Variants in IL11 observed in about 807,000 individuals in gnomAD.
The protein encoded by IL11 is interleukin-11.
A neutral mutation model predicts 18.1 loss-of-function variants in IL11; 17 were observed. The ratio of observed to expected loss-of-function variants is 0.94; its 90% CI spans 0.64 to 1.41. IL11 has a LOEUF of 1.41. Ranked by LOEUF, IL11 falls within the 40% of genes most tolerant of loss-of-function variation. The pLI is 0.00. For missense variants in IL11, 309 were observed against 262.8 expected, an observed-to-expected ratio of 1.18 and a Z score of -1.22; for synonymous variants, 144 against 134.1, an observed-to-expected ratio of 1.07 and a Z score of -0.51.
chr19:55,367,537 T>G (rs2089793255), intron 4 of IL11, among the ~76,000 whole-genome samples: 1 of 141,458 alleles, frequency 7.1e-6, no homozygotes. Context: ...CTCGGCTCAC[T>G]GCAACCTCCG....
intron 4 of IL11, among the ~76,000 whole-genome samples, chr19:55,367,170 C>T (rs936613235): frequency 7.2e-5 from 11 of 152,144 alleles, no homozygotes; most frequent in Non-Finnish European, 1.5e-4. Flanking sequence ...GTCTTCTGGT[C>T]TCAGGGCTTT....
rs955656414 is a variant in IL11 at position 55,369,412 on chromosome 19, G to C, written c.8-471C>G. ...AGAACCTGCCCCCTCCCCGGGCCGC[G>C]GGAGCCCGAGCTGGCTGGGAGCAGG... On this transcript the variant is annotated intron_variant, in intron 1 of 4. Transcript: ENST00000264563. The surrounding 1 kb of genome is among the most constrained non-coding windows in gnomAD (Gnocchi z 6.1). Among the ~76,000 whole-genome samples, 6 of 151,366 alleles carry C rather than the reference G, an allele frequency of 4.0e-5. No homozygotes were observed. The highest frequency in any genetic ancestry group is 7.4e-5 in the Non-Finnish European group (5 of 67,738).
In IL11 at chr19:55,369,625, G is replaced by C. The variant is rs1486257944; in HGVS notation, c.7+679C>G. On this transcript the variant is annotated intron_variant, in intron 1 of 4. Coordinates refer to ENST00000264563, the MANE Select transcript of IL11 (RefSeq NM_000641.4). This position sits in a 1 kb window ranked among gnomAD's most constrained non-coding sequence, Gnocchi z 6.1. Reference sequence around the variant, plus strand: ...GGAGCGGGAGAGCTGGCGGCGGGGGGCGCGGGGGGCGCGGGGGGCGCGGGG... The same window carrying C: ...GGAGCGGGAGAGCTGGCGGCGGGGGCCGCGGGGGGCGCGGGGGGCGCGGGG... 1.1e-5 allele frequency among the ~76,000 whole-genome samples: 1 copy of C among 88,016 alleles called. No individual in the cohort carries two copies. Among genetic ancestry groups the C allele is most frequent in the African/African-American group, 1.1e-4 (1 of 8,832 alleles). The allele number at this position is 88,016 out of a possible 152,430, so 57.7% of individuals were successfully genotyped here.
At position 55,368,193 on chromosome 19, in the gene IL11, T is replaced by C; in HGVS notation, c.429+17A>G. 6.6e-7 allele frequency: 1 copy of C among 1,515,780 alleles called. No individual in the cohort carries two copies. The highest frequency in any genetic ancestry group is 8.9e-7 in the Non-Finnish European group (1 of 1,126,034). 93.9% of individuals were successfully genotyped at this position (1,515,780 alleles called of 1,614,324 possible). On this transcript the variant is annotated intron_variant, in intron 4 of 4. Transcript: ENST00000264563. ...GGGTGGGGGTCTGGGGTGTCAGGTC[T>C]TGGGGCCAGGACATACCAGGAGCTG...
Position 55,370,323 on chromosome 19 carries a change from C to A in IL11, c.-13G>T. On this transcript the variant is annotated 5_prime_UTR_variant, in exon 1 of 5. Transcript: ENST00000264563. Reference sequence around the variant, plus strand: ...ACTTACAGTTCATGTCCCCACAGGGCCAGGGGTTCCCCAGGGCAGGGGGCA... The same window carrying A: ...ACTTACAGTTCATGTCCCCACAGGGACAGGGGTTCCCCAGGGCAGGGGGCA... 1 of 1,441,764 alleles carries A rather than the reference C, an allele frequency of 6.9e-7. No individual in the cohort carries two copies. 89.3% of individuals were successfully genotyped at this position (1,441,764 alleles called of 1,614,324 possible). A position where few individuals can be genotyped will look rare whatever the true frequency, so the allele number is the denominator to read the frequency against.
Position 55,369,028 on chromosome 19 carries a change from G to A in IL11, c.8-87C>T, listed in dbSNP as rs2089804366. The A allele has an allele frequency of 7.4e-6, 9 of 1,220,188 alleles. No homozygotes were observed. In the South Asian group the frequency reaches 1.4e-4, roughly 19 times the overall value. 75.6% of individuals were successfully genotyped at this position (1,220,188 alleles called of 1,614,324 possible). ...GGCCTGGACTCCCGGGTCTGAGGGA[G>A]GAGGAACTGGGGTCTGGACTCCTCC... On this transcript the variant is annotated intron_variant, in intron 1 of 4. Coordinates refer to ENST00000264563, the MANE Select transcript of IL11 (RefSeq NM_000641.4). The surrounding 1 kb of genome is among the most constrained non-coding windows in gnomAD (Gnocchi z 6.1).
rs2089806994 is a variant in IL11, at chr19:55,369,325, GT to G, written c.8-385del. 1 of 160,796 alleles carries G rather than the reference GT, an allele frequency of 6.2e-6. No individual in the cohort carries two copies. Among genetic ancestry groups the G allele is most frequent in the African/African-American group, 2.4e-5 (1 of 41,872 alleles). 10.0% of individuals were successfully genotyped at this position (160,796 alleles called of 1,614,324 possible). A position where few individuals can be genotyped will look rare whatever the true frequency, so the allele number is the denominator to read the frequency against. ...CGGGTAGACGGGCCGGGCGTCTCCC[GT>G]CCGCCCCCGGACGCCGGAATCTGGG... is the stretch of plus-strand genomic sequence containing the variant. On this transcript the variant is annotated intron_variant, in intron 1 of 4. Transcript: ENST00000264563. This position sits in a 1 kb window ranked among gnomAD's most constrained non-coding sequence, Gnocchi z 6.1.
intron 4 of IL11, among the ~76,000 whole-genome samples, chr19:55,367,578 A>G (rs943952530): frequency 1.4e-5 from 2 of 147,182 alleles, no homozygotes; most frequent in African/African-American, 5.1e-5. Context: ...CTCCTGCCTC[A>G]GCCTCCCAAG....
Position 55,366,428 on chromosome 19 carries a change from G to A in IL11, c.430-251C>T, listed in dbSNP as rs1303885836. On this transcript the variant is annotated intron_variant, in intron 4 of 4. Transcript: ENST00000264563. This position sits in a 1 kb window ranked among gnomAD's most constrained non-coding sequence, Gnocchi z 4.6. ...TCTGTGGAGTCAGGGCTGGCATCTC[G>A]GTTCTAGGTGAGGGATCGGGCCTGG... is the stretch of plus-strand genomic sequence containing the variant. Among the ~76,000 whole-genome samples, 5 of 152,034 alleles carry A rather than the reference G, an allele frequency of 3.3e-5. No individual in the cohort carries two copies. Among genetic ancestry groups the A allele is most frequent in the East Asian group, 1.9e-4 (1 of 5,188 alleles).
chr19:55,368,101 G>A (rs976351467), intron 4 of IL11, 109 bp downstream of exon 4: 11 of 929,286 alleles, frequency 1.2e-5, no homozygotes, highest in East Asian at 8.0e-5. Context: ...GTCTCAGAGC[G>A]GGGCTGTTGC....
In IL11 at chr19:55,368,751, C is replaced by A; in HGVS notation, c.180+18G>T. The A allele has an allele frequency of 6.4e-7, 1 of 1,562,076 alleles. No homozygotes were observed. The highest frequency in any genetic ancestry group is 1.2e-5 in the South Asian group (1 of 84,706). On this transcript the variant is annotated intron_variant, in intron 2 of 4. Transcript: ENST00000264563. ...CTGCCTCTCACTCCTGTGCTGGCCCCAGCCCAGTCTCTCCTACCAGCTGTG... is the reference window on the plus strand; with the variant it reads ...CTGCCTCTCACTCCTGTGCTGGCCCAAGCCCAGTCTCTCCTACCAGCTGTG...
chr19:55,365,888 T>A lies in IL11; in HGVS notation c.*119A>T. On this transcript the variant is annotated 3_prime_UTR_variant, in exon 5 of 5. Coordinates refer to ENST00000264563, the MANE Select transcript of IL11 (RefSeq NM_000641.4). ...CCCCCCAGGCCTCACGGAAGGACTG[T>A]CTCTAACTAGGGGGAGATAATGGCG... 6.8e-7 allele frequency: 1 copy of A among 1,479,032 alleles called. No individual in the cohort carries two copies. The allele number at this position is 1,479,032 out of a possible 1,614,324, so 91.6% of individuals were successfully genotyped here. A position where few individuals can be genotyped will look rare whatever the true frequency, so the allele number is the denominator to read the frequency against.
At chr19:55,368,414 C>T (rs1249004290) in intron 3 of IL11, 43 bp from the exon 4 acceptor site, 4 of 1,581,956 alleles carry the variant, frequency 2.5e-6, no homozygotes, top group Non-Finnish European at 3.5e-6. Flanking sequence ...CGACCAGTGC[C>T]CCTCATCCTC....
In IL11 at chr19:55,369,852, T is replaced by TC. The variant is rs2089811686; in HGVS notation, c.7+451dup. Among the ~76,000 whole-genome samples, 2 of 149,914 alleles carry TC rather than the reference T, an allele frequency of 1.3e-5. No homozygotes were observed. The highest frequency in any genetic ancestry group is 1.3e-4 in the Admixed American group (2 of 15,138). ...TTCCCCCCGCGCCCAGTCTCTCTCC[T>TC]CCCCCCGGCTGGGGTCGCTACTCCC... On this transcript the variant is annotated intron_variant, in intron 1 of 4. Coordinates refer to ENST00000264563, the MANE Select transcript of IL11 (RefSeq NM_000641.4). This position sits in a 1 kb window ranked among gnomAD's most constrained non-coding sequence, Gnocchi z 6.1.
At position 55,366,383 on chromosome 19, in the gene IL11, T is replaced by TG. The variant is rs1023506378; in HGVS notation, c.430-207dup. Among the ~76,000 whole-genome samples the TG allele has an allele frequency of 6.8e-6, 1 of 148,058 alleles. No individual in the cohort carries two copies. Among genetic ancestry groups the TG allele is most frequent in the Non-Finnish European group, 1.5e-5 (1 of 66,714 alleles). On this transcript the variant is annotated intron_variant, in intron 4 of 4. Coordinates refer to ENST00000264563, the MANE Select transcript of IL11 (RefSeq NM_000641.4). This position sits in a 1 kb window ranked among gnomAD's most constrained non-coding sequence, Gnocchi z 4.6. Reference sequence around the variant, plus strand: ...GTCAGGACGGGCTTCCAGAGCTGAGTGTGGGGGTTGGGGGTGAAGTCTGTG... The same window carrying TG: ...GTCAGGACGGGCTTCCAGAGCTGAGTGGTGGGGGTTGGGGGTGAAGTCTGTG...
rs373289236 is a variant in IL11, at chr19:55,365,943, T to A, written c.*64A>T. 32 of 1,546,630 alleles carry A rather than the reference T, an allele frequency of 2.1e-5. No individual in the cohort carries two copies. The highest frequency in any genetic ancestry group is 1.5e-4 in the African/African-American group (11 of 72,648). Reference sequence around the variant, plus strand: ...GATCACCTGGCTGTTTCGCCCCCAGTACTGAAATAAATAAATAAATAAGAT... The same window carrying A: ...GATCACCTGGCTGTTTCGCCCCCAGAACTGAAATAAATAAATAAATAAGAT... On this transcript the variant is annotated 3_prime_UTR_variant, in exon 5 of 5. Transcript: ENST00000264563.
Position 55,365,166 on chromosome 19 carries a change from C to G in IL11, c.*841G>C, listed in dbSNP as rs1009828940. The G allele has an allele frequency of 1.3e-5, 2 of 152,070 alleles. No individual in the cohort carries two copies. Among genetic ancestry groups the G allele is most frequent in the African/African-American group, 4.8e-5 (2 of 41,392 alleles). 9.4% of individuals were successfully genotyped at this position (152,070 alleles called of 1,614,324 possible). The stretch of plus-strand genomic sequence containing the variant: ...ACCAGCCTGGCCAACATGGTGAAAC[C>G]CTGTCTCTACTAAAAATACAAAAGA... On this transcript the variant is annotated 3_prime_UTR_variant, in exon 5 of 5. Transcript: ENST00000264563.
Position 55,370,237 on chromosome 19 carries a change from C to A in IL11, c.7+67G>T, listed in dbSNP as rs533575524. The A allele has an allele frequency of 1.4e-4, 170 of 1,250,312 alleles. 2 individuals are homozygous for A. The Admixed American group carries it at 2.7e-3, about 20-fold the overall frequency. 77.5% of individuals were successfully genotyped at this position (1,250,312 alleles called of 1,614,324 possible). A position where few individuals can be genotyped will look rare whatever the true frequency, so the allele number is the denominator to read the frequency against. On this transcript the variant is annotated intron_variant, in intron 1 of 4. Transcript: ENST00000264563. Reference sequence around the variant, plus strand: ...TGCGACTCAGCGGGGTCTGCTCCCACCCCCGCCGTGGGTCCCTCTCCTCCC... The same window carrying A: ...TGCGACTCAGCGGGGTCTGCTCCCAACCCCGCCGTGGGTCCCTCTCCTCCC...
rs758809983 is a variant in IL11 at position 55,368,519 on chromosome 19, G to A, written c.231C>T (p.Thr77=). The A allele has an allele frequency of 3.1e-6, 5 of 1,612,968 alleles. No homozygotes were observed. The highest frequency in any genetic ancestry group is 1.3e-5 in the African/African-American group (1 of 74,866). Residue 77 remains threonine, a synonymous_variant, in exon 3 of 5, where the codon ACC becomes ACT. Coordinates refer to ENST00000264563, the MANE Select transcript of IL11 (RefSeq NM_000641.4). The part of the protein sequence containing the change: ...DGDHNLDSLP[T]LAMSAGALGA... ...CCAGTGCCCCCGCACTCATGGCCAG[G>A]GTGGGCAGGGAATCCAGGTTGTGGT...
Sources: gnomAD v4.1 joint callset for allele counts (sites outside exome capture counted in the v4.1 genomes callset) on GRCh38, gnomAD v4.1.1 for gene constraint, Gnocchi (gnomAD v3.1) non-coding constraint, MANE v1.5 for transcripts, NCBI Gene and HGNC (gene_info 2026-07-23, HGNC 2026-07-21) for gene names.